Variants in PRKCQ observed in about 807,000 individuals in gnomAD.
PRKCQ encodes protein kinase C theta.
PRKCQ carries 41 observed loss-of-function variants against 91.2 expected under a neutral mutation model. That is an observed-to-expected ratio of 0.45 (90% CI 0.35 to 0.58). The LOEUF (loss-of-function observed/expected upper bound fraction) is 0.58. PRKCQ is among the 20% of genes least tolerant of loss of function. PRKCQ has a pLI of 0.00. For synonymous variants in PRKCQ, 307 were observed against 316.9 expected (o/e 0.97, Z 0.33); for missense variants, 673 against 896.5 (o/e 0.75, Z 3.18).
At chr10:6,479,300 A>G (rs981889869) in intron 11 of PRKCQ, 135 bp from the exon 12 acceptor site, 2 of 943,350 alleles carry the variant, frequency 2.1e-6, no homozygotes, top group Non-Finnish European at 3.1e-6. Context: ...CATCCTGCAT[A>G]GGCCATTCCT....
At chr10:6,500,740 T>C (rs1316451352) in intron 4 of PRKCQ, among the ~76,000 whole-genome samples, 1 of 152,172 alleles carries the variant, frequency 6.6e-6, no homozygotes, top group Non-Finnish European at 1.5e-5. Context: ...TTCTAATCTA[T>C]TTATGTGGTC....
In PRKCQ at chr10:6,555,144, G is replaced by T. The variant is rs117248500; in HGVS notation, c.-10+25067C>A. 1.7e-3 allele frequency among the ~76,000 whole-genome samples: 257 copies of T among 151,194 alleles called. 3 individuals are homozygous for T. In the East Asian group the frequency reaches 0.046, roughly 27 times the overall value. On this transcript the variant is annotated intron_variant, in intron 1 of 17. Transcript: ENST00000263125. ...GACAAGTAAAGGTGGGAGGGGGGGG[G>T]TCTAGGGTTGAAAAACTAACTATTG...
intron 1 of PRKCQ, among the ~76,000 whole-genome samples, chr10:6,552,412 A>G (rs1437520184): frequency 6.6e-6 from 1 of 151,068 alleles, no homozygotes; most frequent in Non-Finnish European, 1.5e-5. Flanking sequence ...TGCAGTCTCC[A>G]TTCATTCATT....
In PRKCQ at chr10:6,483,524, G is replaced by C. The variant is rs1477279170; in HGVS notation, c.1095C>G (p.Asn365Lys). 4 of 1,614,030 alleles carry C rather than the reference G, an allele frequency of 2.5e-6. No homozygotes were observed. The African/African-American group carries it at 5.3e-5, about 22-fold the overall frequency. ...TAATCTGCAGAGATGGTCTTTCTTT[G>C]TTCAGTTCAGGTTCTGGAAGATGGC... Reference protein sequence around the residue: ...KMCHLPEPELNKERPSLQIKL... With the variant: ...KMCHLPEPELKKERPSLQIKL... The change falls in exon 11 of 18, where the codon AAC (asparagine) becomes AAG (lysine). Residue 365 changes from asparagine (N) to lysine (K), a missense_variant. Transcript: ENST00000263125.
chr10:6,483,359 T>A, intron 11 of PRKCQ, 81 bp downstream of exon 11: 1 of 1,550,122 alleles, frequency 6.5e-7, no homozygotes, highest in South Asian at 1.1e-5. Context: ...AGTGGCCCTA[T>A]GAGTTTAATT....
chr10:6,508,233 G>C (rs1838296734), intron 3 of PRKCQ, among the ~76,000 whole-genome samples: 1 of 152,196 alleles, frequency 6.6e-6, no homozygotes, highest in Admixed American at 6.5e-5. Flanking sequence ...AAGACAAGCT[G>C]AGCGCTGTTG....
Position 6,498,443 on chromosome 10 carries a change from G to C in PRKCQ, c.495C>G (p.Thr165=). 6.2e-7 allele frequency: 1 copy of C among 1,614,248 alleles called. No individual in the cohort carries two copies. Among genetic ancestry groups the C allele is most frequent in the Non-Finnish European group, 8.5e-7 (1 of 1,180,048 alleles). ...AGCAAAATGTGGGCTGTGGGAAGAA[G>C]GTGGCAGTGAACTCGTGGCACTTGA... is the stretch of plus-strand genomic sequence containing the variant. ...HHVKCHEFTA[T]FFPQPTFCSV... Residue 165 remains threonine, a synonymous_variant, in exon 5 of 18, where the codon ACC becomes ACG. Transcript: ENST00000263125.
intron 12 of PRKCQ, among the ~76,000 whole-genome samples, chr10:6,476,028 G>A (rs1209851699): frequency 6.6e-6 from 1 of 152,098 alleles, no homozygotes; most frequent in East Asian, 1.9e-4. Context: ...CATCCCAGCT[G>A]CACGGAACTC....
intron 2 of PRKCQ, among the ~76,000 whole-genome samples, chr10:6,514,200 G>A (rs747854458): frequency 8.5e-5 from 13 of 152,156 alleles, no homozygotes; most frequent in Non-Finnish European, 1.8e-4. Flanking sequence ...CCTACAAAGT[G>A]TCTGCTAAAA....
At chr10:6,420,765 C>A in the PRKCQ span, among the ~76,000 whole-genome samples, 1 of 152,304 alleles carries the variant, frequency 6.6e-6, no homozygotes, top group South Asian at 2.1e-4. Flanking sequence ...TTTTCCTGAT[C>A]CACTGTGTGT....
At chr10:6,511,569 G>A (rs565437092) in intron 2 of PRKCQ, among the ~76,000 whole-genome samples, 9 of 152,174 alleles carry the variant, frequency 5.9e-5, no homozygotes, top group Non-Finnish European at 1.2e-4. Context: ...TGCTGCAGCC[G>A]AGGAGATGAG....
intron 15 of PRKCQ, among the ~76,000 whole-genome samples, chr10:6,446,169 C>T (rs970600016): frequency 2.0e-5 from 3 of 152,054 alleles, no homozygotes; most frequent in Non-Finnish European, 4.4e-5. Context: ...GCACAGTTAT[C>T]CCTCTCCTAT....
At chr10:6,482,008 T>A (rs1836628161) in intron 11 of PRKCQ, among the ~76,000 whole-genome samples, 1 of 151,848 alleles carries the variant, frequency 6.6e-6, no homozygotes, top group Non-Finnish European at 1.5e-5. Flanking sequence ...TTTTTTTTTT[T>A]TTGCTCCTCC....
intron 4 of PRKCQ, 81 bp downstream of exon 4, chr10:6,507,355 T>C (rs1838251288): frequency 7.5e-7 from 1 of 1,333,052 alleles, no homozygotes; most frequent in Non-Finnish European, 1.1e-6. Context: ...TCTACAATAA[T>C]TGCAAAGGTA....
Position 6,510,987 on chromosome 10 carries a change from A to C in PRKCQ, c.318+8T>G. 1 of 1,614,062 alleles carries C rather than the reference A, an allele frequency of 6.2e-7. No individual in the cohort carries two copies. Among genetic ancestry groups the C allele is most frequent in the Non-Finnish European group, 8.5e-7 (1 of 1,179,950 alleles). On this transcript the variant is annotated splice_region_variant and intron_variant, in intron 3 of 17. Transcript: ENST00000263125. ...TCCCTTATGTGCATACACTTTATGC[A>C]ACGTTACCCATATTTCTGTCTTCCC...
intron 10 of PRKCQ, among the ~76,000 whole-genome samples, chr10:6,484,920 T>G (rs567928080): frequency 2.5e-4 from 38 of 152,248 alleles, no homozygotes; most frequent in Admixed American, 1.4e-3. Context: ...TAAGAAAACA[T>G]TTGTGGTTGT....
intron 12 of PRKCQ, among the ~76,000 whole-genome samples, chr10:6,467,381 GAGAC>G (rs1564324259): frequency 4.1e-4 from 33 of 81,242 alleles, no homozygotes; most frequent in South Asian, 1.1e-3. Flanking sequence ...GAGACAGAGA[GAGAC>G]AGACAGAGAG....
intron 16 of PRKCQ, among the ~76,000 whole-genome samples, chr10:6,431,467 C>T (rs2132228374): frequency 6.6e-6 from 1 of 152,288 alleles, no homozygotes; most frequent in African/African-American, 2.4e-5. Flanking sequence ...TGGACATGAA[C>T]ACATACACCT....
At chr10:6,471,700 A>G (rs544526616) in intron 12 of PRKCQ, among the ~76,000 whole-genome samples, 1 of 152,314 alleles carries the variant, frequency 6.6e-6, no homozygotes, top group South Asian at 2.1e-4. Context: ...CAGTGAGCCG[A>G]GATCGTTCCA....
Sources: gnomAD v4.1 joint callset for allele counts (sites outside exome capture counted in the v4.1 genomes callset) on GRCh38, gnomAD v4.1.1 for gene constraint, MANE v1.5 for transcripts, NCBI Gene and HGNC (gene_info 2026-07-23, HGNC 2026-07-21) for gene names.